The following WDR72 variants were observed in gnomAD, a reference collection of about 807,000 sequenced individuals.
The protein encoded by WDR72 is WD repeat-containing protein 72.
Under a neutral mutation model 124.2 loss-of-function variants are expected in WDR72, and 120 were observed. That is an observed-to-expected ratio of 0.97 (90% confidence interval 0.83 to 1.12). The LOEUF (loss-of-function observed/expected upper bound fraction) is 1.12. WDR72 is among the 50% of genes most tolerant of loss of function. The pLI, the probability that WDR72 is intolerant of heterozygous loss-of-function variation, is 0.00. For missense variants in WDR72, 1,387 were observed against 1,278.8 expected (o/e 1.08, Z -1.29); for synonymous variants, 452 against 441.7 (o/e 1.02, Z -0.29).
chr15:53,713,418 A>ATTTTATTTTATTTTGTTTTC (rs1555427180), intron 6 of WDR72, among the ~76,000 whole-genome samples: 1 of 118,308 alleles, frequency 8.5e-6, no homozygotes, highest in Non-Finnish European at 1.7e-5. Flanking sequence ...GTTGTATTTT[A>ATTTTATTTTATTTTGTTTTC]TTTTATTTTA....
intron 1 of WDR72, among the ~76,000 whole-genome samples, chr15:53,749,088 T>C (rs919564388): frequency 2.6e-5 from 4 of 152,092 alleles, no homozygotes; most frequent in Non-Finnish European, 4.4e-5. Flanking sequence ...GGGAGCACAA[T>C]TAGAGCTCGA....
intron 13 of WDR72, among the ~76,000 whole-genome samples, chr15:53,690,235 TA>T (rs200395421): frequency 1.4e-4 from 22 of 151,982 alleles, no homozygotes; most frequent in Admixed American, 4.6e-4. Context: ...AAAAAAAACT[TA>T]AAAAAAATTG....
At chr15:53,669,123 T>G (rs689651) in intron 13 of WDR72, among the ~76,000 whole-genome samples, 48,185 of 151,906 alleles carry the variant, frequency 0.32, 8,655 homozygotes, top group East Asian at 0.52. Flanking sequence ...AGTATTAGTG[T>G]CTTCCCCAGT....
chr15:53,555,666 A>G (rs558684773), intron 18 of WDR72, among the ~76,000 whole-genome samples: 73 of 152,238 alleles, frequency 4.8e-4, no homozygotes, highest in African/African-American at 1.7e-3. Context: ...CCTATCACCC[A>G]TAATTCAATT....
intron 13 of WDR72, among the ~76,000 whole-genome samples, chr15:53,679,572 C>T (rs975470797): frequency 6.6e-6 from 1 of 152,090 alleles, no homozygotes; most frequent in Non-Finnish European, 1.5e-5. Context: ...ACATTGATGG[C>T]AGAGTGATTG....
At chr15:53,749,226 C>T (rs2018716107) in intron 1 of WDR72, among the ~76,000 whole-genome samples, 1 of 152,138 alleles carries the variant, frequency 6.6e-6, no homozygotes, top group African/African-American at 2.4e-5. Flanking sequence ...AATCTATAGG[C>T]ACCATTTTTT....
chr15:53,745,907 G>A (rs934463182), intron 1 of WDR72, among the ~76,000 whole-genome samples: 1 of 152,120 alleles, frequency 6.6e-6, no homozygotes, highest in East Asian at 1.9e-4. Flanking sequence ...TCCAGAACTT[G>A]CTCCTTACAC....
chr15:53,534,838 T>C (rs779415040), intron 18 of WDR72, among the ~76,000 whole-genome samples: 1 of 152,124 alleles, frequency 6.6e-6, no homozygotes, highest in African/African-American at 2.4e-5. Flanking sequence ...CAAGTTCCTA[T>C]TACACGACAG....
intron 14 of WDR72, among the ~76,000 whole-genome samples, chr15:53,643,601 C>G (rs562835597): frequency 6.6e-6 from 1 of 152,194 alleles, no homozygotes; most frequent in African/African-American, 2.4e-5. Flanking sequence ...AAGAACCTGG[C>G]CACAATAAAA....
chr15:53,542,069 G>T (rs1893176242), intron 18 of WDR72, among the ~76,000 whole-genome samples: 1 of 41,622 alleles, frequency 2.4e-5, no homozygotes, highest in Non-Finnish European at 4.4e-5. Flanking sequence ...AAAACACTCT[G>T]CAGGATATTA....
chr15:53,671,615 G>A (rs1324368420), intron 13 of WDR72, among the ~76,000 whole-genome samples: 1 of 152,184 alleles, frequency 6.6e-6, no homozygotes, highest in East Asian at 1.9e-4. Flanking sequence ...AGTGTGACAA[G>A]ATTTAATGCC....
At chr15:53,666,619 C>T (rs985461155) in intron 13 of WDR72, among the ~76,000 whole-genome samples, 6 of 152,076 alleles carry the variant, frequency 3.9e-5, no homozygotes, top group African/African-American at 1.4e-4. Flanking sequence ...CCAAGGAATA[C>T]TAATTTAATA....
chr15:53,628,970 T>A (rs1246161625), intron 14 of WDR72, among the ~76,000 whole-genome samples: 1 of 151,918 alleles, frequency 6.6e-6, no homozygotes, highest in Admixed American at 6.6e-5. Flanking sequence ...GGCTTTAGAG[T>A]CAACTTCTGA....
Position 53,662,022 on chromosome 15 carries a change from C to T in WDR72, c.1962+3550G>A, listed in dbSNP as rs145493490. ...TAAAAGCAACTAACCAACCAACAAA[C>T]AAAATAGGTGTTTTTACCTTAAAAT... is the stretch of plus-strand genomic sequence containing the variant. On this transcript the variant is annotated intron_variant, in intron 14 of 19. Transcript: ENST00000360509. 6.2e-3 allele frequency among the ~76,000 whole-genome samples: 947 copies of T among 152,184 alleles called. 5 individuals are homozygous for T. The highest frequency in any genetic ancestry group is 8.1e-3 in the Non-Finnish European group (552 of 67,970).
chr15:53,661,407 C>A (rs1187787231), intron 14 of WDR72, among the ~76,000 whole-genome samples: 1 of 152,080 alleles, frequency 6.6e-6, no homozygotes, highest in African/African-American at 2.4e-5. Context: ...CTCTTATTAG[C>A]ATCCAATGCT....
At chr15:53,532,593 T>C (rs547281929) in intron 18 of WDR72, among the ~76,000 whole-genome samples, 29 of 145,556 alleles carry the variant, frequency 2.0e-4, no homozygotes, top group African/African-American at 4.0e-4. Flanking sequence ...TAAGAAAATA[T>C]TGAACTCTTA....
At chr15:53,519,487 C>G (rs1169451481) in intron 19 of WDR72, among the ~76,000 whole-genome samples, 4 of 152,062 alleles carry the variant, frequency 2.6e-5, no homozygotes, top group Non-Finnish European at 2.9e-5. Context: ...GTATAAATGC[C>G]AGTGAAGGAG....
intron 3 of WDR72, among the ~76,000 whole-genome samples, chr15:53,719,132 A>G (rs1441563575): frequency 6.6e-6 from 1 of 152,158 alleles, no homozygotes; most frequent in African/African-American, 2.4e-5. Flanking sequence ...TTGTGTGCTT[A>G]TAACACTATA....
intron 13 of WDR72, among the ~76,000 whole-genome samples, chr15:53,694,538 C>T (rs1008351510): frequency 7.9e-5 from 12 of 152,170 alleles, no homozygotes; most frequent in Non-Finnish European, 1.8e-4. Flanking sequence ...TTCCTGGCAG[C>T]CATCTCCTTT....
Sources: allele counts gnomAD v4.1 joint callset (sites outside exome capture counted in the v4.1 genomes callset), GRCh38; gene constraint gnomAD v4.1.1; transcripts MANE v1.5; gene names NCBI Gene and HGNC (gene_info 2026-07-23, HGNC 2026-07-21).